Variants in TCTN2 observed in about 807,000 individuals in gnomAD.
The protein encoded by TCTN2 is tectonic-2.
In TCTN2, 66 loss-of-function variants were observed where a neutral mutation model predicts 83.4. That is an observed-to-expected ratio of 0.79 (90% confidence interval 0.65 to 0.97). The LOEUF (loss-of-function observed/expected upper bound fraction) is 0.97, where lower values mean the gene tolerates loss of function less well. TCTN2 is among the 50% of genes least tolerant of loss of function. The probability of loss-of-function intolerance (pLI) is 0.00; values close to 1 mark genes in which losing one functional copy is unlikely to be tolerated. For missense variants in TCTN2, 794 were observed against 858.1 expected (o/e 0.93, Z 0.93); for synonymous variants, 301 against 326.7 (o/e 0.92, Z 0.85).
intron 4 of TCTN2, among the ~76,000 whole-genome samples, chr12:123,678,592 A>G (rs1485306382): frequency 6.6e-6 from 1 of 151,854 alleles, no homozygotes; most frequent in Non-Finnish European, 1.5e-5. Context: ...CCAGCCTAAA[A>G]TCAGTACATT....
intron 11 of TCTN2, chr12:123,695,706 CTGT>C (rs1956099488): frequency 6.1e-6 from 1 of 164,074 alleles, no homozygotes; most frequent in African/African-American, 2.4e-5. Context: ...TAGAGATAGG[CTGT>C]TGTTCACCGT....
intron 17 of TCTN2, 85 bp downstream of exon 17, chr12:123,707,158 C>A (rs181025197): frequency 1.8e-6 from 2 of 1,118,232 alleles, no homozygotes; most frequent in African/African-American, 1.6e-5. Context: ...TTACAGAAAG[C>A]ATAAAACATA....
rs544856643 is a variant in TCTN2, at chr12:123,681,276, AAG to A, written c.564+1989_564+1990del. On this transcript the variant is annotated intron_variant, in intron 5 of 17. Coordinates refer to ENST00000303372, the MANE Select transcript of TCTN2 (RefSeq NM_024809.5). ...TCTTTCAAAAAAAAAGAAAGAAAGA[AAG>A]AAATCACAGGTTTTCAGTGATTTTT... is the stretch of plus-strand genomic sequence containing the variant. Among the ~76,000 whole-genome samples the A allele has an allele frequency of 6.0e-3, 916 of 152,126 alleles. 5 individuals carry two copies. Among genetic ancestry groups the A allele is most frequent in the Non-Finnish European group, 9.8e-3 (665 of 67,976 alleles).
At position 123,699,763 on chromosome 12, in the gene TCTN2, G is replaced by A. The variant is rs1956150530; in HGVS notation, c.1565G>A (p.Gly522Asp). ...CAAGCGACTCACGTTGCAATGAGAG[G>A]CAACTCCGATTACGCTGATCTTAGT... ...LIQATHVAMR[G>D]NSDYADLSDG... Residue 522 changes from glycine to aspartate, a missense_variant, in exon 14 of 18, where the codon GGC (glycine) becomes GAC (aspartate). Coordinates refer to ENST00000303372, the MANE Select transcript of TCTN2 (RefSeq NM_024809.5). The A allele has an allele frequency of 1.2e-6, 2 of 1,614,044 alleles. No individual in the cohort carries two copies. Among genetic ancestry groups the A allele is most frequent in the African/African-American group, 2.7e-5 (2 of 74,922 alleles).
At chr12:123,691,124 C>T (rs1362598761) in intron 8 of TCTN2, among the ~76,000 whole-genome samples, 1 of 152,138 alleles carries the variant, frequency 6.6e-6, no homozygotes, top group Non-Finnish European at 1.5e-5. Context: ...TCTCCTAGGC[C>T]TCCCAAAGTG....
Position 123,681,035 on chromosome 12 carries a change from G to A in TCTN2, c.564+1746G>A, listed in dbSNP as rs1390712236. On this transcript the variant is annotated intron_variant, in intron 5 of 17. Coordinates refer to ENST00000303372, the MANE Select transcript of TCTN2 (RefSeq NM_024809.5). ...TGTAATCCCAGCACTTTGGGAGGCC[G>A]ATGTGGGTGGATCACTTGAGTTCAG... Among the ~76,000 whole-genome samples, 11 of 152,084 alleles carry A rather than the reference G, an allele frequency of 7.2e-5. No individual in the cohort carries two copies. In the South Asian group the frequency reaches 1.9e-3, roughly 26 times the overall value.
At chr12:123,681,130 C>G (rs66690784) in intron 5 of TCTN2, among the ~76,000 whole-genome samples, 54,240 of 151,408 alleles carry the variant, frequency 0.36, 10,192 homozygotes, top group African/African-American at 0.41. Flanking sequence ...CATGATAGTG[C>G]AGGCCTGTAG....
rs778337545 is a variant in TCTN2, at chr12:123,706,710, G to C, written c.1770-16G>C. The stretch of plus-strand genomic sequence containing the variant: ...TGAATGGTGGCTATGCTGACCATGT[G>C]ATCTTTCCCTCCTAGGTTCTCCTCA... On this transcript the variant is annotated splice_polypyrimidine_tract_variant and intron_variant, in intron 15 of 17. Coordinates refer to ENST00000303372, the MANE Select transcript of TCTN2 (RefSeq NM_024809.5). The C allele has an allele frequency of 8.7e-6, 14 of 1,613,784 alleles. No individual in the cohort carries two copies. The highest frequency in any genetic ancestry group is 1.3e-5 in the African/African-American group (1 of 74,908).
chr12:123,696,403 G>T lies in TCTN2; in HGVS notation c.1313-12G>T. On this transcript the variant is annotated splice_polypyrimidine_tract_variant and intron_variant, in intron 11 of 17. Coordinates refer to ENST00000303372, the MANE Select transcript of TCTN2 (RefSeq NM_024809.5). ...GGAAACAGGCTCACGTTCCTTTGTT[G>T]TGTTTGTCTAGGTTACCAACTTGGC... 1 of 1,611,980 alleles carries T rather than the reference G, an allele frequency of 6.2e-7. No individual in the cohort carries two copies. The highest frequency in any genetic ancestry group is 1.3e-5 in the African/African-American group (1 of 74,954).
chr12:123,699,914 T>C (rs1010835998), intron 14 of TCTN2, 104 bp downstream of exon 14: 5 of 898,646 alleles, frequency 5.6e-6, no homozygotes, highest in Non-Finnish European at 7.5e-6. Context: ...TTCCTGAGGC[T>C]TGACTGCGGC....
chr12:123,707,548 C>G, intron 17 of TCTN2, 56 bp from the exon 18 acceptor site: 1 of 1,520,532 alleles, frequency 6.6e-7, no homozygotes, highest in Non-Finnish European at 9.1e-7. Flanking sequence ...TATACCTACA[C>G]TGTTATCAAA....
At chr12:123,699,577 T>C in intron 13 of TCTN2, 127 bp from the exon 14 acceptor site, 1 of 805,282 alleles carries the variant, frequency 1.2e-6, no homozygotes, top group Non-Finnish European at 2.1e-6. Flanking sequence ...CCAGCCAGTT[T>C]TTAATGCCAG....
intron 2 of TCTN2, 102 bp downstream of exon 2, chr12:123,671,716 C>T: frequency 1.0e-6 from 1 of 996,888 alleles, no homozygotes; most frequent in East Asian, 2.5e-5. Context: ...TGCCTCTGTT[C>T]TCTGCAAAGT....
intron 5 of TCTN2, among the ~76,000 whole-genome samples, chr12:123,684,201 G>A (rs532943483): frequency 1.2e-4 from 19 of 152,102 alleles, no homozygotes; most frequent in African/African-American, 4.3e-4. Context: ...GCTCATCCAC[G>A]CAGTCAATAC....
At chr12:123,701,387 G>T (rs895073414) in intron 14 of TCTN2, among the ~76,000 whole-genome samples, 1 of 152,160 alleles carries the variant, frequency 6.6e-6, no homozygotes, top group East Asian at 1.9e-4. Context: ...TAAGTAGGTG[G>T]ATTGTATAGT....
At position 123,688,349 on chromosome 12, in the gene TCTN2, G is replaced by A. The variant is rs866730109; in HGVS notation, c.891+172G>A. Reference sequence around the variant, plus strand: ...TCCTGCCTCAGCCTCCCCAGTAGCTGGGACTACAGGTGTGTGCCACCGCAC... The same window carrying A: ...TCCTGCCTCAGCCTCCCCAGTAGCTAGGACTACAGGTGTGTGCCACCGCAC... On this transcript the variant is annotated intron_variant, in intron 7 of 17. Coordinates refer to ENST00000303372, the MANE Select transcript of TCTN2 (RefSeq NM_024809.5). Among the ~76,000 whole-genome samples, 7 of 151,800 alleles carry A rather than the reference G, an allele frequency of 4.6e-5. No homozygotes were observed. In the South Asian group the frequency reaches 1.3e-3, roughly 27 times the overall value.
chr12:123,685,197 T>A (rs1231414815), intron 5 of TCTN2, among the ~76,000 whole-genome samples: 1 of 152,132 alleles, frequency 6.6e-6, no homozygotes, highest in Non-Finnish European at 1.5e-5. Flanking sequence ...TGTGCTACAG[T>A]ACCAGCCCCT....
Position 123,707,000 on chromosome 12 carries a change from TAC to T in TCTN2, c.1913_1914del (p.Thr638ArgfsTer3). On this transcript the variant is annotated frameshift_variant, in exon 17 of 18. Transcript: ENST00000303372. LOFTEE classifies it high-confidence loss of function. Reference sequence around the variant, plus strand: ...TGTTTTCTAGATTCCAGATCAATTATACAGAGTATGACTGCAACAGAAATGAG... The same window carrying T: ...TGTTTTCTAGATTCCAGATCAATTATAGAGTATGACTGCAACAGAAATGAG... ...HPLTRFQINY[T>X]EYDCNRNEVC... 1 of 1,614,114 alleles carries T rather than the reference TAC, an allele frequency of 6.2e-7. No individual in the cohort carries two copies. The highest frequency in any genetic ancestry group is 8.5e-7 in the Non-Finnish European group (1 of 1,180,004).
In TCTN2 at chr12:123,704,623, C is replaced by G. The variant is rs749519963; in HGVS notation, c.1704C>G (p.Ile568Met). ...TTCCTGCTCACCTGAGCATCCGCATCCTCATCTCGGATGCTGGCGCGGTGG... is the reference window on the plus strand; with the variant it reads ...TTCCTGCTCACCTGAGCATCCGCATGCTCATCTCGGATGCTGGCGCGGTGG... ...LDIPAHLSIRILISDAGAVEG... is the reference protein window; with the variant it reads ...LDIPAHLSIRMLISDAGAVEG... The change falls in exon 15 of 18, where the codon ATC (isoleucine) becomes ATG (methionine). Residue 568 changes from isoleucine (I) to methionine (M), a missense_variant. By Grantham distance (10) the Ile-to-Met change is conservative. Coordinates refer to ENST00000303372, the MANE Select transcript of TCTN2 (RefSeq NM_024809.5). The G allele has an allele frequency of 5.0e-6, 8 of 1,613,414 alleles. No individual in the cohort carries two copies. The Admixed American group carries it at 1.2e-4, about 24-fold the overall frequency.
Sources: allele counts gnomAD v4.1 joint callset (sites outside exome capture counted in the v4.1 genomes callset), GRCh38; gene constraint gnomAD v4.1.1; transcripts MANE v1.5; gene names NCBI Gene and HGNC (gene_info 2026-07-23, HGNC 2026-07-21).